EPHA6: variants seen among roughly 807,000 people sequenced by gnomAD.
EPHA6 encodes the protein EPH receptor A6, also known as ephrin type-A receptor 6.
In EPHA6, 50 loss-of-function variants were observed where a neutral mutation model predicts 112.0. The observed-to-expected ratio is 0.45, with a 90% CI of 0.36 to 0.56. The LOEUF (loss-of-function observed/expected upper bound fraction) is 0.56. EPHA6 is among the 20% of genes least tolerant of loss of function. EPHA6 has a pLI of 0.00. For synonymous variants in EPHA6, 529 were observed against 490.7 expected (o/e 1.08, Z -1.03); for missense variants, 1,280 against 1,417.4 (o/e 0.90, Z 1.56).
intron 14 of EPHA6, among the ~76,000 whole-genome samples, chr3:97,701,812 C>T (rs954435856): frequency 4.6e-5 from 7 of 151,992 alleles, no homozygotes; most frequent in Non-Finnish European, 8.8e-5. Context: ...TTCCATAACC[C>T]CTCAACTATA....
chr3:97,705,760 T>C (rs960282429), intron 14 of EPHA6, among the ~76,000 whole-genome samples: 4 of 152,220 alleles, frequency 2.6e-5, no homozygotes, highest in Non-Finnish European at 4.4e-5. Context: ...TGGATTGACC[T>C]TTTAAAAGAC....
At chr3:97,147,403 A>C (rs1576572296) in intron 3 of EPHA6, among the ~76,000 whole-genome samples, 1 of 151,818 alleles carries the variant, frequency 6.6e-6, no homozygotes, top group African/African-American at 2.4e-5. Context: ...TTTCTTAACT[A>C]TGTCCTCCTG....
intron 11 of EPHA6, among the ~76,000 whole-genome samples, chr3:97,582,794 A>G (rs569749824): frequency 6.6e-6 from 1 of 152,280 alleles, no homozygotes; most frequent in South Asian, 2.1e-4. Flanking sequence ...GACCTGAAAA[A>G]GCTGGTATCT....
intron 3 of EPHA6, among the ~76,000 whole-genome samples, chr3:97,145,756 C>T (rs1411141297): frequency 6.6e-6 from 1 of 151,512 alleles, no homozygotes; most frequent in African/African-American, 2.4e-5. Flanking sequence ...TTTTTACTAG[C>T]TAAAATAAAT....
intron 3 of EPHA6, among the ~76,000 whole-genome samples, chr3:97,053,156 AT>A: frequency 6.6e-6 from 1 of 152,260 alleles, no homozygotes; most frequent in East Asian, 1.9e-4. Flanking sequence ...TAATAAAGGT[AT>A]TTTATCATGG....
intron 3 of EPHA6, among the ~76,000 whole-genome samples, chr3:97,162,235 C>T (rs2076430944): frequency 6.6e-6 from 1 of 152,080 alleles, no homozygotes; most frequent in African/African-American, 2.4e-5. Flanking sequence ...TGCTGCAGTC[C>T]CTCTGGGAAT....
At chr3:97,266,877 T>C (rs2079703889) in intron 5 of EPHA6, among the ~76,000 whole-genome samples, 2 of 152,058 alleles carry the variant, frequency 1.3e-5, no homozygotes, top group South Asian at 4.1e-4. Flanking sequence ...GAAGTTTCCA[T>C]GAGATGATTT....
chr3:96,859,044 A>G (rs1223771271), intron 1 of EPHA6, among the ~76,000 whole-genome samples: 1 of 152,056 alleles, frequency 6.6e-6, no homozygotes, highest in Non-Finnish European at 1.5e-5. Context: ...TGCTTACACT[A>G]TACTGCTTTT....
chr3:97,560,153 T>A (rs1409262274), intron 11 of EPHA6, among the ~76,000 whole-genome samples: 1 of 151,514 alleles, frequency 6.6e-6, no homozygotes, highest in African/African-American at 2.4e-5. Flanking sequence ...GAAATCATGA[T>A]TGAAATAAAA....
intron 1 of EPHA6, among the ~76,000 whole-genome samples, chr3:96,818,665 G>T (rs573298454): frequency 6.6e-6 from 1 of 151,960 alleles, no homozygotes; most frequent in East Asian, 1.9e-4. Flanking sequence ...AACTCTGATT[G>T]AATATTGTTC....
intron 14 of EPHA6, among the ~76,000 whole-genome samples, chr3:97,669,915 T>C (rs2107655675): frequency 6.6e-6 from 1 of 152,330 alleles, no homozygotes; most frequent in South Asian, 2.1e-4. Context: ...CAGCCTCTTC[T>C]GCCTTTTCCT....
chr3:97,300,013 A>T (rs571838183), intron 5 of EPHA6, among the ~76,000 whole-genome samples: 2 of 152,182 alleles, frequency 1.3e-5, no homozygotes, highest in Non-Finnish European at 2.9e-5. Context: ...CCACATATGA[A>T]ACATTTTATA....
chr3:96,816,048 G>T (rs148677992), intron 1 of EPHA6, among the ~76,000 whole-genome samples: 69 of 152,204 alleles, frequency 4.5e-4, no homozygotes, highest in African/African-American at 1.7e-3. Flanking sequence ...TAATTTGCAG[G>T]TATAAAAATG....
chr3:96,854,179 CT>C (rs781751530), intron 1 of EPHA6, among the ~76,000 whole-genome samples: 6,316 of 131,148 alleles, frequency 0.048, 272 homozygotes, highest in African/African-American at 0.16. Context: ...TTAATCATGA[CT>C]TTTTTTTTTT....
chr3:96,873,165 T>C (rs2036736641), intron 2 of EPHA6, among the ~76,000 whole-genome samples: 1 of 151,930 alleles, frequency 6.6e-6, no homozygotes, highest in Middle Eastern at 3.4e-3. Context: ...CTCAGGAGGC[T>C]GAGGCTGGAG....
intron 2 of EPHA6, among the ~76,000 whole-genome samples, chr3:96,967,586 C>T (rs941018291): frequency 6.6e-5 from 10 of 151,682 alleles, no homozygotes; most frequent in East Asian, 5.8e-4. Context: ...GATTGATTAT[C>T]GTGTACCAAT....
chr3:97,525,839 G>A lies in EPHA6; in HGVS notation c.2201-6519G>A, dbSNP rs977925147. Among the ~76,000 whole-genome samples, 8 of 152,086 alleles carry A rather than the reference G, an allele frequency of 5.3e-5. No homozygotes were observed. In the East Asian group the frequency reaches 5.8e-4, roughly 11 times the overall value. On this transcript the variant is annotated intron_variant, in intron 10 of 17. Transcript: ENST00000389672. The stretch of plus-strand genomic sequence containing the variant: ...AGACTGAACTGTCTCCAGATCTTTG[G>A]GTCTGGATCTGGGATGATGAAGGTC...
chr3:97,082,342 G>T (rs1014683851), intron 3 of EPHA6, among the ~76,000 whole-genome samples: 4 of 151,870 alleles, frequency 2.6e-5, no homozygotes, highest in Non-Finnish European at 2.9e-5. Context: ...GCAGAAAGAT[G>T]TGCTAAATAG....
At chr3:97,582,871 G>A (rs554177381) in intron 11 of EPHA6, among the ~76,000 whole-genome samples, 2 of 152,118 alleles carry the variant, frequency 1.3e-5, no homozygotes, top group South Asian at 2.1e-4. Flanking sequence ...TGCCAAGGAT[G>A]TTATTGTATC....
Sources: gnomAD v4.1 joint callset for allele counts (sites outside exome capture counted in the v4.1 genomes callset) on GRCh38, gnomAD v4.1.1 for gene constraint, MANE v1.5 for transcripts, NCBI Gene and HGNC (gene_info 2026-07-23, HGNC 2026-07-21) for gene names.